The following FBXW7 variants were observed in gnomAD, a reference collection of about 807,000 sequenced individuals.
FBXW7 encodes F-box and WD repeat domain containing 7.
In FBXW7, 11 loss-of-function variants were observed where a neutral mutation model predicts 86.3. That is an observed-to-expected ratio of 0.13 (90% CI 0.08 to 0.21). The LOEUF (loss-of-function observed/expected upper bound fraction) is 0.21. Ranked by LOEUF, FBXW7 falls within the 10% of genes least tolerant of loss-of-function variation. FBXW7 has a pLI of 1.00. For missense variants in FBXW7, 488 were observed against 847.4 expected (o/e 0.58, Z 5.27); for synonymous variants, 313 against 297.9 (o/e 1.05, Z -0.52).
intron 2 of FBXW7, among the ~76,000 whole-genome samples, chr4:152,457,643 CAAAAAAA>C (rs769232533): frequency 7.0e-5 from 4 of 57,462 alleles, no homozygotes; most frequent in Non-Finnish European, 1.5e-4. Flanking sequence ...GACTCTGTCT[CAAAAAAA>C]AAAAAAAAAA....
chr4:152,505,554 A>G (rs1247138823), intron 2 of FBXW7, among the ~76,000 whole-genome samples: 3 of 152,000 alleles, frequency 2.0e-5, no homozygotes, highest in African/African-American at 4.8e-5. Context: ...CTGTTTTAAG[A>G]CACAAATATA....
At chr4:152,375,042 G>C (rs144837162) in intron 4 of FBXW7, among the ~76,000 whole-genome samples, 1 of 152,168 alleles carries the variant, frequency 6.6e-6, no homozygotes, top group Non-Finnish European at 1.5e-5. Context: ...GAGGAGACTT[G>C]CTACAACTAC....
chr4:152,448,711 A>G (rs1018570408), intron 2 of FBXW7, among the ~76,000 whole-genome samples: 3 of 152,202 alleles, frequency 2.0e-5, no homozygotes, highest in African/African-American at 7.2e-5. Context: ...AAACACTACT[A>G]AAAAAGAATA....
rs548608655 is a variant in FBXW7, at chr4:152,484,392, G to A, written c.-120+50549C>T. ...AAGCAAGAATATGACCCTTTTTGCA[G>A]TTCAAATGCACAGTATCTACTTGAG... On this transcript the variant is annotated intron_variant, in intron 2 of 13. Transcript: ENST00000281708. Among the ~76,000 whole-genome samples the A allele has an allele frequency of 2.6e-4, 40 of 152,022 alleles. No homozygotes were observed. In the East Asian group the frequency reaches 7.1e-3, roughly 27 times the overall value.
chr4:152,418,162 C>CACACA (rs1185715774), intron 2 of FBXW7, among the ~76,000 whole-genome samples: 3 of 150,784 alleles, frequency 2.0e-5, no homozygotes, highest in African/African-American at 7.3e-5. Flanking sequence ...CACACACACA[C>CACACA]AAAATCCACT....
chr4:152,347,698 T>G (rs1221397082), intron 5 of FBXW7, among the ~76,000 whole-genome samples: 1 of 152,146 alleles, frequency 6.6e-6, no homozygotes, highest in African/African-American at 2.4e-5. Flanking sequence ...AGAACTTATA[T>G]GCAAAACTAA....
chr4:152,408,634 C>G (rs896874871), intron 4 of FBXW7, among the ~76,000 whole-genome samples: 20 of 152,176 alleles, frequency 1.3e-4, no homozygotes, highest in African/African-American at 3.9e-4. Context: ...TAGCTCTTAT[C>G]ACTTCAAATG....
chr4:152,364,966 T>G lies in FBXW7; in HGVS notation c.502-14842A>C, dbSNP rs1733330526. ...CTTAGTTGCCTAACATAAGCTAAAC[T>G]AAGTCTTGTGTCTGTTTCATGGCTG... On this transcript the variant is annotated intron_variant, in intron 4 of 13. Coordinates refer to ENST00000281708, the MANE Select transcript of FBXW7 (RefSeq NM_001349798.2). Among the ~76,000 whole-genome samples, 3 of 152,200 alleles carry G rather than the reference T, an allele frequency of 2.0e-5. No individual in the cohort carries two copies. The South Asian group carries it at 6.2e-4, about 31-fold the overall frequency.
intron 4 of FBXW7, among the ~76,000 whole-genome samples, chr4:152,362,078 A>G (rs931363118): frequency 9.9e-5 from 15 of 152,094 alleles, no homozygotes; most frequent in African/African-American, 3.1e-4. Flanking sequence ...AATGAATATC[A>G]TAAGTTTCCC....
At chr4:152,479,653 T>C (rs1161994640) in intron 2 of FBXW7, among the ~76,000 whole-genome samples, 2 of 152,306 alleles carry the variant, frequency 1.3e-5, no homozygotes, top group Admixed American at 6.5e-5. Flanking sequence ...GACTGGATTG[T>C]AGATAAACAT....
At chr4:152,458,480 A>G (rs1160369010) in intron 2 of FBXW7, among the ~76,000 whole-genome samples, 2 of 152,216 alleles carry the variant, frequency 1.3e-5, no homozygotes, top group East Asian at 1.9e-4. Context: ...ATCTCAGTCA[A>G]TTAAAAAGAA....
At chr4:152,502,696 C>T (rs1410768341) in intron 2 of FBXW7, among the ~76,000 whole-genome samples, 2 of 151,840 alleles carry the variant, frequency 1.3e-5, no homozygotes, top group African/African-American at 2.4e-5. Flanking sequence ...AATGCTACCA[C>T]CAGAACAGTA....
rs1220001908 is a variant in FBXW7 at position 152,337,759 on chromosome 4, A to G, written c.861+43T>C. The G allele has an allele frequency of 3.8e-6, 6 of 1,570,494 alleles. No individual in the cohort carries two copies. The South Asian group carries it at 7.2e-5, about 19-fold the overall frequency. ...AAAGGTGGTAGCTGTTGAGTTATATATTCAAATAACACCCAATGAAGAATG... is the reference window on the plus strand; with the variant it reads ...AAAGGTGGTAGCTGTTGAGTTATATGTTCAAATAACACCCAATGAAGAATG... On this transcript the variant is annotated intron_variant, in intron 7 of 13. Coordinates refer to ENST00000281708, the MANE Select transcript of FBXW7 (RefSeq NM_001349798.2).
intron 2 of FBXW7, among the ~76,000 whole-genome samples, chr4:152,438,593 T>C (rs922995327): frequency 1.3e-5 from 2 of 152,144 alleles, no homozygotes; most frequent in African/African-American, 2.4e-5. Flanking sequence ...GAGAATCACT[T>C]GAACCCCAGA....
chr4:152,491,148 T>C (rs1478759672), intron 2 of FBXW7, among the ~76,000 whole-genome samples: 7 of 152,162 alleles, frequency 4.6e-5, no homozygotes, highest in Non-Finnish European at 8.8e-5. Flanking sequence ...GCCCCTTGTT[T>C]TTATCAGATG....
intron 2 of FBXW7, among the ~76,000 whole-genome samples, chr4:152,505,328 T>A (rs776882604): frequency 1.3e-5 from 2 of 152,228 alleles, no homozygotes; most frequent in Non-Finnish European, 2.9e-5. Flanking sequence ...GCACTTAGGC[T>A]GTACTAAGTT....
At chr4:152,486,420 TTTTC>T (rs1745344794) in intron 2 of FBXW7, among the ~76,000 whole-genome samples, 1 of 152,194 alleles carries the variant, frequency 6.6e-6, no homozygotes, top group African/African-American at 2.4e-5. Flanking sequence ...CACAAAAATA[TTTTC>T]TTTCCTTTTA....
At chr4:152,460,182 T>A (rs2149629101) in intron 2 of FBXW7, among the ~76,000 whole-genome samples, 1 of 152,314 alleles carries the variant, frequency 6.6e-6, no homozygotes, top group South Asian at 2.1e-4. Flanking sequence ...TATTATACAT[T>A]ACTAAAATTA....
chr4:152,532,438 G>T (rs1468097649), intron 2 of FBXW7, among the ~76,000 whole-genome samples: 2 of 152,152 alleles, frequency 1.3e-5, no homozygotes, highest in East Asian at 3.8e-4. Flanking sequence ...CTTCTCAGTT[G>T]CTTCTTTGAA....
Sources: allele counts gnomAD v4.1 joint callset (sites outside exome capture counted in the v4.1 genomes callset), GRCh38; gene constraint gnomAD v4.1.1; transcripts MANE v1.5; gene names NCBI Gene and HGNC (gene_info 2026-07-23, HGNC 2026-07-21).